Variants in ALPK2 observed in about 807,000 individuals in gnomAD.
ALPK2 encodes the protein alpha-protein kinase 2.
A neutral mutation model predicts 163.1 loss-of-function variants in ALPK2; 127 were observed. The observed-to-expected ratio is 0.78, with a 90% CI of 0.67 to 0.90. The LOEUF is 0.90. Among genes scored for constraint, ALPK2 ranks in the 40% least tolerant of loss-of-function variants. The pLI, the probability that ALPK2 is intolerant of heterozygous loss-of-function variation, is 0.00. For synonymous variants in ALPK2, 953 were observed against 959.1 expected (o/e 0.99, Z 0.12); for missense variants, 2,360 against 2,589.6 (o/e 0.91, Z 1.92).
intron 3 of ALPK2, among the ~76,000 whole-genome samples, chr18:58,583,368 T>C (rs1188124382): frequency 6.6e-6 from 1 of 151,836 alleles, no homozygotes; most frequent in Non-Finnish European, 1.5e-5. Context: ...CTGAACTAGT[T>C]TTTTAGGTTT....
chr18:58,591,072 G>T (rs1371672493), intron 3 of ALPK2, among the ~76,000 whole-genome samples: 1 of 152,200 alleles, frequency 6.6e-6, no homozygotes, highest in African/African-American at 2.4e-5. Context: ...CAGAGGTCCA[G>T]TTTCTGCTCT....
At chr18:58,541,766 G>T (rs1464343122) in intron 4 of ALPK2, among the ~76,000 whole-genome samples, 1 of 152,024 alleles carries the variant, frequency 6.6e-6, no homozygotes, top group East Asian at 1.9e-4. Context: ...TAACCAATGG[G>T]GTTTTTTTTG....
At chr18:58,609,554 AGGCTGATGAG>A (rs1397561278) in intron 2 of ALPK2, among the ~76,000 whole-genome samples, 1 of 152,174 alleles carries the variant, frequency 6.6e-6, no homozygotes, top group East Asian at 1.9e-4. Flanking sequence ...TTTTTCATTC[AGGCTGATGAG>A]GGCTGATTGA....
At chr18:58,567,238 G>T (rs62096287) in intron 4 of ALPK2, among the ~76,000 whole-genome samples, 1 of 150,098 alleles carries the variant, frequency 6.7e-6, no homozygotes, top group African/African-American at 2.4e-5. Flanking sequence ...AAAAAAAAAG[G>T]CCGGGCGTGA....
chr18:58,605,216 TA>T (rs1041335936), intron 3 of ALPK2, among the ~76,000 whole-genome samples: 3 of 152,150 alleles, frequency 2.0e-5, no homozygotes, highest in African/African-American at 7.2e-5. Context: ...TTTTTGTAAA[TA>T]AAGTTTTATT....
At position 58,536,891 on chromosome 18, in the gene ALPK2, G is replaced by A. The variant is rs2051652283; in HGVS notation, c.3296C>T (p.Ser1099Phe). The change falls in exon 5 of 13, where the codon TCC becomes TTC. Residue 1099 changes from serine to phenylalanine, a missense_variant. Ser to Phe is a radical substitution (Grantham distance 155). Transcript: ENST00000361673. ...LPEGEGFCSNSPLQVDNLSGD... is the reference protein window; with the variant it reads ...LPEGEGFCSNFPLQVDNLSGD... ...AGACAGGTTATCAACCTGAAGAGGG[G>A]AATTACTGCAGAAACCCTCTCCCTC... The A allele has an allele frequency of 6.2e-7, 1 of 1,614,062 alleles. No homozygotes were observed. Among genetic ancestry groups the A allele is most frequent in the African/African-American group, 1.3e-5 (1 of 74,930 alleles).
chr18:58,531,424 G>A (rs1323307145), intron 5 of ALPK2, among the ~76,000 whole-genome samples: 1 of 151,910 alleles, frequency 6.6e-6, no homozygotes, highest in African/African-American at 2.4e-5. Flanking sequence ...AAGCAGTGAC[G>A]AGGACTCAGG....
chr18:58,562,507 G>A (rs2051830420), intron 4 of ALPK2, among the ~76,000 whole-genome samples: 1 of 152,182 alleles, frequency 6.6e-6, no homozygotes, highest in South Asian at 2.1e-4. Flanking sequence ...AGAACCTAGA[G>A]CCTCCCAGTG....
chr18:58,538,997 C>A (rs1363894273), intron 4 of ALPK2, among the ~76,000 whole-genome samples: 1 of 152,072 alleles, frequency 6.6e-6, no homozygotes, highest in East Asian at 1.9e-4. Flanking sequence ...TCACCAGATG[C>A]AGATGCCTAA....
At chr18:58,605,906 C>G (rs2052095581) in intron 3 of ALPK2, among the ~76,000 whole-genome samples, 1 of 152,218 alleles carries the variant, frequency 6.6e-6, no homozygotes, top group African/African-American at 2.4e-5. Flanking sequence ...TTATTTACCT[C>G]CATCTCTAGC....
At chr18:58,622,605 T>C (rs2052207760) in intron 1 of ALPK2, among the ~76,000 whole-genome samples, 1 of 152,152 alleles carries the variant, frequency 6.6e-6, no homozygotes, top group Non-Finnish European at 1.5e-5. Context: ...ACATACAAAG[T>C]GTGACAGTGC....
chr18:58,616,943 C>G (rs1227594379), intron 1 of ALPK2, among the ~76,000 whole-genome samples: 1 of 151,934 alleles, frequency 6.6e-6, no homozygotes, highest in East Asian at 1.9e-4. Context: ...GGGACTGGGC[C>G]CACAACCTGT....
intron 1 of ALPK2, among the ~76,000 whole-genome samples, chr18:58,622,272 G>A (rs1200535215): frequency 5.9e-5 from 9 of 152,220 alleles, no homozygotes; most frequent in South Asian, 2.1e-4. Flanking sequence ...GCTTGAGCCC[G>A]GGAGATGGAG....
At chr18:58,623,133 G>A (rs1268319178) in intron 1 of ALPK2, among the ~76,000 whole-genome samples, 3 of 151,606 alleles carry the variant, frequency 2.0e-5, no homozygotes, top group African/African-American at 4.9e-5. Flanking sequence ...GCAGGAGAGT[G>A]GTAGTCTGAT....
At chr18:58,518,348 A>G (rs570233344) in intron 8 of ALPK2, among the ~76,000 whole-genome samples, 2 of 152,350 alleles carry the variant, frequency 1.3e-5, no homozygotes, top group South Asian at 4.1e-4. Flanking sequence ...TTACTGCCAG[A>G]AAGAAAGAAA....
chr18:58,538,604 A>T (rs759573730), intron 4 of ALPK2: 8 of 189,884 alleles, frequency 4.2e-5, no homozygotes, highest in Non-Finnish European at 5.4e-5. Flanking sequence ...ATCTCACATG[A>T]TCATAATAAA....
At chr18:58,503,770 A>AAAAACAAGATAAAGGCTCCTTT (rs1445559120) in intron 11 of ALPK2, among the ~76,000 whole-genome samples, 161 bp downstream of exon 11, 1 of 152,152 alleles carries the variant, frequency 6.6e-6, no homozygotes, top group Non-Finnish European at 1.5e-5. Context: ...TCCTTTATCA[A>AAAAACAAGATAAAGGCTCCTTT]ATCTTGTTTC....
At chr18:58,510,363 T>C (rs947098795) in intron 10 of ALPK2, among the ~76,000 whole-genome samples, 1 of 152,220 alleles carries the variant, frequency 6.6e-6, no homozygotes, top group African/African-American at 2.4e-5. Context: ...GACTTGGCAA[T>C]GTGGGCTCTT....
At chr18:58,492,556 T>C (rs540387213) in intron 12 of ALPK2, among the ~76,000 whole-genome samples, 5 of 152,294 alleles carry the variant, frequency 3.3e-5, no homozygotes, top group African/African-American at 7.2e-5. Flanking sequence ...TCCCTGTACC[T>C]GCCTCGTGCT....
Sources: allele counts gnomAD v4.1 joint callset (sites outside exome capture counted in the v4.1 genomes callset), GRCh38; gene constraint gnomAD v4.1.1; transcripts MANE v1.5; gene names NCBI Gene and HGNC (gene_info 2026-07-23, HGNC 2026-07-21).